SLC9A4: variants seen among roughly 807,000 people sequenced by gnomAD.
SLC9A4 encodes the protein solute carrier family 9 member A4.
A neutral mutation model predicts 67.4 loss-of-function variants in SLC9A4; 63 were observed. The ratio of observed to expected loss-of-function variants is 0.93; its 90% CI spans 0.76 to 1.15. The LOEUF is 1.15. Ranked by LOEUF, SLC9A4 falls within the 50% of genes most tolerant of loss-of-function variation. SLC9A4 has a pLI of 0.00. For missense variants in SLC9A4, 1,089 were observed against 987.7 expected (o/e 1.10, Z -1.38); for synonymous variants, 393 against 367.2 (o/e 1.07, Z -0.80).
chr2:102,479,517 C>G lies in SLC9A4; in HGVS notation c.720+215C>G, dbSNP rs576506436. Among the ~76,000 whole-genome samples the G allele has an allele frequency of 3.3e-5, 5 of 152,270 alleles. No individual in the cohort carries two copies. The East Asian group carries it at 9.7e-4, about 29-fold the overall frequency. On this transcript the variant is annotated intron_variant, in intron 2 of 11. Transcript: ENST00000295269. ...CTCACACTGCTTGTCATTCACAAAC[C>G]AACTAGTTTCGTTAAAGAGTGGAAA...
In SLC9A4 at chr2:102,520,012, A is replaced by G. The variant is rs1450989581; in HGVS notation, c.1818+57A>G. 3.4e-6 allele frequency: 5 copies of G among 1,456,654 alleles called. 1 individual carries two copies. The highest frequency in any genetic ancestry group is 3.7e-4 in the Middle Eastern group (2 of 5,458). The allele number at this position is 1,456,654 out of a possible 1,614,324, so 90.2% of individuals were successfully genotyped here. A position where few individuals can be genotyped will look rare whatever the true frequency, so the allele number is the denominator to read the frequency against. ...TTCTGTCCTTGAAAACAGTCTCTGA[A>G]GGGGGAGTCTGTTGATGTTCAAGTC... On this transcript the variant is annotated intron_variant, in intron 9 of 11. Coordinates refer to ENST00000295269, the MANE Select transcript of SLC9A4 (RefSeq NM_001011552.4).
chr2:102,480,782 C>T (rs769112009), intron 2 of SLC9A4, among the ~76,000 whole-genome samples: 1 of 152,088 alleles, frequency 6.6e-6, no homozygotes, highest in Non-Finnish European at 1.5e-5. Context: ...TTATAGATGG[C>T]CAAACACAGA....
At chr2:102,516,712 G>A (rs1287398836) in intron 8 of SLC9A4, among the ~76,000 whole-genome samples, 1 of 152,132 alleles carries the variant, frequency 6.6e-6, no homozygotes, top group Non-Finnish European at 1.5e-5. Flanking sequence ...AAGCAATCCT[G>A]TGAATAAGTA....
intron 2 of SLC9A4, among the ~76,000 whole-genome samples, 180 bp downstream of exon 2, chr2:102,479,482 T>A (rs1684413563): frequency 6.6e-6 from 1 of 152,198 alleles, no homozygotes. Context: ...ACTGCCTACA[T>A]AACGGTTCAC....
In SLC9A4 at chr2:102,493,648, C is replaced by T. The variant is rs973983183; in HGVS notation, c.721-9800C>T. Among the ~76,000 whole-genome samples, 38 of 151,938 alleles carry T rather than the reference C, an allele frequency of 2.5e-4. 1 individual carries two copies. The highest frequency in any genetic ancestry group is 9.2e-4 in the African/African-American group (38 of 41,206). ...ATTCAAGAAGAGATTTGGGTGGGGA[C>T]ACAGCCAAACCATATCACCACTCCA... is the stretch of plus-strand genomic sequence containing the variant. On this transcript the variant is annotated intron_variant, in intron 2 of 11. Coordinates refer to ENST00000295269, the MANE Select transcript of SLC9A4 (RefSeq NM_001011552.4).
intron 10 of SLC9A4, among the ~76,000 whole-genome samples, 196 bp from the exon 11 acceptor site, chr2:102,526,063 T>C (rs1674658021): frequency 6.6e-6 from 1 of 152,112 alleles, no homozygotes; most frequent in Admixed American, 6.5e-5. Context: ...AATTTTTGTA[T>C]TTTTAGTAGA....
At position 102,512,290 on chromosome 2, in the gene SLC9A4, T is replaced by C. The variant is rs1344320630; in HGVS notation, c.1559+17T>C. On this transcript the variant is annotated intron_variant, in intron 7 of 11. Transcript: ENST00000295269. Reference sequence around the variant, plus strand: ...GAGAGACAAGTAAGGAGGCTGAGGGTTTCACTCCCTGACAAACTTCTAAAG... The same window carrying C: ...GAGAGACAAGTAAGGAGGCTGAGGGCTTCACTCCCTGACAAACTTCTAAAG... The C allele has an allele frequency of 3.1e-6, 5 of 1,611,000 alleles. No individual in the cohort carries two copies. The African/African-American group carries it at 5.4e-5, about 17-fold the overall frequency.
Position 102,479,147 on chromosome 2 carries a change from G to C in SLC9A4, c.565G>C (p.Gly189Arg). The change falls in exon 2 of 12, where the codon GGC becomes CGC. Residue 189 changes from glycine (G) to arginine (R), a missense_variant. Coordinates refer to ENST00000295269, the MANE Select transcript of SLC9A4 (RefSeq NM_001011552.4). ...LICQVKAFGL[G>R]DVNLLQNLLF... ...CTGCCAGGTGAAGGCCTTTGGCCTGGGCGACGTCAACCTGCTGCAGAACCT... is the reference window on the plus strand; with the variant it reads ...CTGCCAGGTGAAGGCCTTTGGCCTGCGCGACGTCAACCTGCTGCAGAACCT... 1 of 1,614,140 alleles carries C rather than the reference G, an allele frequency of 6.2e-7. No individual in the cohort carries two copies. The highest frequency in any genetic ancestry group is 8.5e-7 in the Non-Finnish European group (1 of 1,180,022).
At chr2:102,483,790 C>T (rs1277909793) in intron 2 of SLC9A4, among the ~76,000 whole-genome samples, 1 of 111,792 alleles carries the variant, frequency 8.9e-6, no homozygotes, top group Non-Finnish European at 1.7e-5. Flanking sequence ...ACTATCTCAC[C>T]ATGTACAGCA....
intron 4 of SLC9A4, among the ~76,000 whole-genome samples, chr2:102,506,975 A>C (rs139417944): frequency 6.6e-6 from 1 of 152,236 alleles, no homozygotes; most frequent in Non-Finnish European, 1.5e-5. Flanking sequence ...TCCCACCCTG[A>C]CTCATCACAA....
Position 102,505,705 on chromosome 2 carries a change from C to CT in SLC9A4, c.1198+242dup, listed in dbSNP as rs1258039741. On this transcript the variant is annotated intron_variant, in intron 4 of 11. Transcript: ENST00000295269. ...TGAAGCAAGGCTGGGGCAAGGAGTACTTTTTTTTAATTGAAGAAAGAAGTT... is the reference window on the plus strand; with the variant it reads ...TGAAGCAAGGCTGGGGCAAGGAGTACTTTTTTTTTAATTGAAGAAAGAAGTT... 6.7e-5 allele frequency: 29 copies of CT among 433,272 alleles called. No individual in the cohort carries two copies. The East Asian group carries it at 7.7e-4, about 11-fold the overall frequency. 26.8% of individuals were successfully genotyped at this position (433,272 alleles called of 1,614,324 possible).
At chr2:102,512,332 G>A (rs1041288673) in intron 7 of SLC9A4, 59 bp downstream of exon 7, 2 of 1,575,590 alleles carry the variant, frequency 1.3e-6, no homozygotes, top group African/African-American at 1.4e-5. Context: ...TTGGAAGCTG[G>A]GCATAAAATC....
In SLC9A4 at chr2:102,473,507, C is replaced by T. The variant is rs969203670; in HGVS notation, c.-253C>T. 2 of 496,460 alleles carry T rather than the reference C, an allele frequency of 4.0e-6. No homozygotes were observed. The highest frequency in any genetic ancestry group is 3.9e-5 in the African/African-American group (2 of 51,736). The allele number at this position is 496,460 out of a possible 1,614,324, so 30.8% of individuals were successfully genotyped here. A position where few individuals can be genotyped will look rare whatever the true frequency, so the allele number is the denominator to read the frequency against. ...GAGGTCCTCCAGGTAGCTCCATGGA[C>T]TTTAACAAGTCTATTGAATAACTGC... On this transcript the variant is annotated 5_prime_UTR_variant, in exon 1 of 12. Transcript: ENST00000295269.
rs1298115664 is a variant in SLC9A4 at position 102,533,571 on chromosome 2, C to A, written c.*883C>A. ...GGTTAGTTACATATGTATACATGTG[C>A]CATGCTGGTGTGCTGCACCCGCTAA... On this transcript the variant is annotated 3_prime_UTR_variant, in exon 12 of 12. Transcript: ENST00000295269. 1.3e-5 allele frequency: 2 copies of A among 151,392 alleles called. No individual in the cohort carries two copies. The highest frequency in any genetic ancestry group is 6.6e-5 in the Admixed American group (1 of 15,216). 9.4% of individuals were successfully genotyped at this position (151,392 alleles called of 1,614,324 possible). A position where few individuals can be genotyped will look rare whatever the true frequency, so the allele number is the denominator to read the frequency against.
intron 4 of SLC9A4, chr2:102,505,702 G>A: frequency 2.3e-6 from 1 of 439,476 alleles, no homozygotes; most frequent in Non-Finnish European, 4.0e-6. Flanking sequence ...GGGGCAAGGA[G>A]TACTTTTTTT....
Position 102,473,879 on chromosome 2 carries a change from T to G in SLC9A4, c.120T>G (p.Tyr40Ter), listed in dbSNP as rs1266740851. ...AATCTGCAAATTCCACTGCTCAGTATGCATCTAACGCTTGGTTTGCTGCTG... is the reference window on the plus strand; with the variant it reads ...AATCTGCAAATTCCACTGCTCAGTAGGCATCTAACGCTTGGTTTGCTGCTG... ...LNESANSTAQYASNAWFAAAS... is the reference protein window; with the variant it reads ...LNESANSTAQ Residue 40 changes from tyrosine to a stop codon, truncating the protein, a stop_gained, in exon 1 of 12, where the codon TAT (tyrosine) becomes TAG (stop). Transcript: ENST00000295269. LOFTEE classifies it high-confidence loss of function. 3 of 1,614,030 alleles carry G rather than the reference T, an allele frequency of 1.9e-6. No individual in the cohort carries two copies. Among genetic ancestry groups the G allele is most frequent in the Non-Finnish European group, 2.5e-6 (3 of 1,179,976 alleles).
At chr2:102,523,621 G>A (rs562776146) in intron 9 of SLC9A4, among the ~76,000 whole-genome samples, 9 of 152,318 alleles carry the variant, frequency 5.9e-5, no homozygotes, top group African/African-American at 2.2e-4. Context: ...TTTTTGGAGT[G>A]TGTGCACCCT....
chr2:102,526,190 T>G, intron 10 of SLC9A4, 69 bp from the exon 11 acceptor site: 1 of 1,516,822 alleles, frequency 6.6e-7, no homozygotes, highest in Non-Finnish European at 9.1e-7. Flanking sequence ...GTCTGGCCCT[T>G]TATTTGCCAT....
intron 2 of SLC9A4, among the ~76,000 whole-genome samples, chr2:102,485,762 G>C (rs1199411044): frequency 6.6e-6 from 1 of 152,242 alleles, no homozygotes; most frequent in Non-Finnish European, 1.5e-5. Context: ...CCAGGTCTCT[G>C]TTTCCAGTGA....
Sources: gnomAD v4.1 joint callset for allele counts (sites outside exome capture counted in the v4.1 genomes callset) on GRCh38, gnomAD v4.1.1 for gene constraint, MANE v1.5 for transcripts, NCBI Gene and HGNC (gene_info 2026-07-23, HGNC 2026-07-21) for gene names.